IRS1: variants seen among roughly 807,000 people sequenced by gnomAD.
IRS1 encodes the protein insulin receptor substrate 1.
A neutral mutation model predicts 65.6 loss-of-function variants in IRS1; 34 were observed. The ratio of observed to expected loss-of-function variants is 0.52; its 90% confidence interval spans 0.39 to 0.69. The LOEUF (loss-of-function observed/expected upper bound fraction) is 0.69. Among genes scored for constraint, IRS1 ranks in the 30% least tolerant of loss-of-function variants. The pLI, the probability that IRS1 is intolerant of heterozygous loss-of-function variation, is 0.00. For missense variants in IRS1, 1,641 were observed against 1,720.2 expected (o/e 0.95, Z 0.81); for synonymous variants, 699 against 683.5 (o/e 1.02, Z -0.35).
intron 1 of IRS1, among the ~76,000 whole-genome samples, chr2:226,781,857 C>A (rs1939389123): frequency 6.9e-6 from 1 of 144,000 alleles, no homozygotes; most frequent in Non-Finnish European, 1.5e-5. Flanking sequence ...CTCCTCCTCA[C>A]CCCTAAATAC....
intron 1 of IRS1, among the ~76,000 whole-genome samples, chr2:226,767,231 C>G (rs72965940): frequency 0.04 from 6,115 of 152,278 alleles, 118 homozygotes; most frequent in Middle Eastern, 0.11. Context: ...CAGTGCCAGT[C>G]AAATGGCAGC....
intron 1 of IRS1, among the ~76,000 whole-genome samples, chr2:226,754,052 G>A (rs1199430033): frequency 6.6e-6 from 1 of 152,036 alleles, no homozygotes; most frequent in Non-Finnish European, 1.5e-5. Context: ...TGGGGTCTCA[G>A]CACGTTGGCT....
intron 1 of IRS1, among the ~76,000 whole-genome samples, chr2:226,767,620 C>T (rs1198089977): frequency 5.9e-5 from 9 of 152,210 alleles, no homozygotes; most frequent in Admixed American, 5.9e-4. Flanking sequence ...TAGGACTGAA[C>T]TCTGGTGGCA....
chr2:226,762,775 A>G (rs767752932), intron 1 of IRS1, among the ~76,000 whole-genome samples: 12 of 152,216 alleles, frequency 7.9e-5, no homozygotes, highest in Non-Finnish European at 1.6e-4. Flanking sequence ...CATTTGCACC[A>G]GCCGAATACA....
intron 1 of IRS1, among the ~76,000 whole-genome samples, chr2:226,762,703 G>A (rs1291565676): frequency 6.6e-6 from 1 of 152,176 alleles, no homozygotes; most frequent in Non-Finnish European, 1.5e-5. Context: ...AAGAACTATA[G>A]GTTGGTGCAA....
Position 226,732,031 on chromosome 2 carries a change from T to C in IRS1, c.*4241A>G, listed in dbSNP as rs1645130759. 1.3e-5 allele frequency: 2 copies of C among 152,152 alleles called. No individual in the cohort carries two copies. The highest frequency in any genetic ancestry group is 6.6e-5 in the Admixed American group (1 of 15,264). 9.4% of individuals were successfully genotyped at this position (152,152 alleles called of 1,614,324 possible). On this transcript the variant is annotated 3_prime_UTR_variant, in exon 2 of 2. Coordinates refer to ENST00000305123, the MANE Select transcript of IRS1 (RefSeq NM_005544.3). ...CACAAATGGCAAGTCATACACAAAC[T>C]AGAAAAGAAAGCTAACTCTCCACCT...
At chr2:226,791,590 G>A (rs1939602807) in intron 1 of IRS1, among the ~76,000 whole-genome samples, 1 of 152,056 alleles carries the variant, frequency 6.6e-6, no homozygotes, top group Non-Finnish European at 1.5e-5. Context: ...GCGGGCACCC[G>A]CGGGAAAGAG....
chr2:226,768,099 G>T (rs1939091616), intron 1 of IRS1, among the ~76,000 whole-genome samples: 2 of 152,282 alleles, frequency 1.3e-5, no homozygotes, highest in African/African-American at 4.8e-5. Flanking sequence ...TGCATCTGCT[G>T]CTTCTACTGG....
intron 1 of IRS1, among the ~76,000 whole-genome samples, chr2:226,778,556 T>C (rs190283911): frequency 5.9e-5 from 9 of 152,188 alleles, no homozygotes; most frequent in Non-Finnish European, 1.2e-4. Flanking sequence ...AAAAAAAACT[T>C]TTGGAAAAGA....
chr2:226,786,708 A>T (rs553221446), intron 1 of IRS1, among the ~76,000 whole-genome samples: 20 of 151,362 alleles, frequency 1.3e-4, no homozygotes, highest in African/African-American at 4.6e-4. Context: ...CAGCATGTAC[A>T]TGTATCACCT....
At chr2:226,767,861 A>C (rs1011421649) in intron 1 of IRS1, among the ~76,000 whole-genome samples, 1 of 152,202 alleles carries the variant, frequency 6.6e-6, no homozygotes, top group African/African-American at 2.4e-5. Context: ...CACGTCACAC[A>C]GAAGAAGTCC....
intron 1 of IRS1, among the ~76,000 whole-genome samples, chr2:226,742,273 C>G (rs1479279994): frequency 6.6e-6 from 1 of 152,192 alleles, no homozygotes; most frequent in Non-Finnish European, 1.5e-5. Flanking sequence ...ATCATAATCA[C>G]ACACATCAAG....
chr2:226,762,091 T>G (rs1238072188), intron 1 of IRS1, among the ~76,000 whole-genome samples: 1 of 152,208 alleles, frequency 6.6e-6, no homozygotes, highest in Non-Finnish European at 1.5e-5. Context: ...AGGTTCATTT[T>G]GTTCCAACAA....
chr2:226,786,348 CTT>C (rs934991425), intron 1 of IRS1, among the ~76,000 whole-genome samples: 1 of 151,718 alleles, frequency 6.6e-6, no homozygotes, highest in Non-Finnish European at 1.5e-5. Context: ...GTAGTGTGTC[CTT>C]TTTTTTCCCT....
In IRS1 at chr2:226,797,717, G is replaced by A. The variant is rs751685762; in HGVS notation, c.1022C>T (p.Ser341Leu). Residue 341 changes from serine (S) to leucine (L), a missense_variant, in exon 1 of 2, where the codon TCG becomes TTG. Around this residue, in one of 3 missense-constraint regions of IRS1, gnomAD observed 1,324 missense variants for 1,361.0 expected, o/e 0.97. Transcript: ENST00000305123. The surrounding 1 kb of genome is among the most constrained non-coding windows in gnomAD (Gnocchi z 8.1). ...DGEGTMSRPASVDGSPVSPST... is the reference protein window; with the variant it reads ...DGEGTMSRPALVDGSPVSPST... ...GGGACTCACAGGGCTGCCGTCCACC[G>A]AGGCTGGGCGGGACATGGTGCCTTC... 1.0e-5 allele frequency: 16 copies of A among 1,597,828 alleles called. No individual in the cohort carries two copies. Among genetic ancestry groups the A allele is most frequent in the Admixed American group, 1.7e-5 (1 of 59,736 alleles).
intron 1 of IRS1, among the ~76,000 whole-genome samples, chr2:226,740,225 T>C (rs1938412289): frequency 6.6e-6 from 1 of 152,244 alleles, no homozygotes; most frequent in Non-Finnish European, 1.5e-5. Context: ...CGAGATTTAG[T>C]AGCAGGAAAT....
intron 1 of IRS1, among the ~76,000 whole-genome samples, chr2:226,781,809 A>G (rs1230545772): frequency 1.3e-5 from 2 of 151,368 alleles, no homozygotes; most frequent in East Asian, 3.9e-4. Context: ...TTAGGAATGT[A>G]ACCTTTTTTA....
At chr2:226,761,469 GA>G (rs1223140994) in intron 1 of IRS1, among the ~76,000 whole-genome samples, 3 of 151,644 alleles carry the variant, frequency 2.0e-5, no homozygotes, top group African/African-American at 2.4e-5. Context: ...CTATCCCAGG[GA>G]AAAAAAGTAT....
At position 226,798,498 on chromosome 2, in the gene IRS1, T is replaced by G; in HGVS notation, c.241A>C (p.Lys81Gln). ...CGGGTGTAGAGAGCCACCAGGTGCT[T>G]GTTCTTGGAGTCAGCCCGCTTGTTG... ...NINKRADSKN[K>Q]HLVALYTRDE... The change falls in exon 1 of 2, where the codon AAG becomes CAG. Residue 81 changes from lysine to glutamine, a missense_variant. Physicochemically the swap from Lys to Gln is moderately conservative, Grantham distance 53. Transcript: ENST00000305123. The surrounding 1 kb of genome is among the most constrained non-coding windows in gnomAD (Gnocchi z 9.4). 2 of 1,614,072 alleles carry G rather than the reference T, an allele frequency of 1.2e-6. No individual in the cohort carries two copies. Among genetic ancestry groups the G allele is most frequent in the Non-Finnish European group, 1.7e-6 (2 of 1,180,024 alleles).
Sources: allele counts gnomAD v4.1 joint callset (sites outside exome capture counted in the v4.1 genomes callset), GRCh38; gene constraint gnomAD v4.1.1; regional missense constraint gnomAD v4.1.1; non-coding constraint Gnocchi (gnomAD v3.1); transcripts MANE v1.5; gene names NCBI Gene and HGNC (gene_info 2026-07-23, HGNC 2026-07-21).